The following SAMSN1 variants were observed in gnomAD, a reference collection of about 807,000 sequenced individuals.
SAMSN1 encodes SAM domain-containing protein SAMSN-1.
SAMSN1 carries 31 observed loss-of-function variants against 42.0 expected under a neutral mutation model. The observed-to-expected ratio is 0.74, with a 90% CI of 0.55 to 1.00. The LOEUF (loss-of-function observed/expected upper bound fraction) is 1.00, where lower values mean the gene tolerates loss of function less well. SAMSN1 is among the 50% of genes least tolerant of loss of function. The probability of loss-of-function intolerance (pLI) is 0.00; values close to 1 mark genes in which losing one functional copy is unlikely to be tolerated. For missense variants in SAMSN1, 464 were observed against 439.4 expected (o/e 1.06, Z -0.50); for synonymous variants, 178 against 151.9 (o/e 1.17, Z -1.26).
intron 6 of SAMSN1, among the ~76,000 whole-genome samples, chr21:14,595,406 C>A (rs1285368254): frequency 6.6e-6 from 1 of 152,072 alleles, no homozygotes; most frequent in Admixed American, 6.6e-5. Context: ...GCCTCTAGAG[C>A]TGTGGGAAAT....
In SAMSN1 at chr21:14,574,914, C is replaced by T. The variant is rs527897418; in HGVS notation, c.261+7222G>A. Among the ~76,000 whole-genome samples the T allele has an allele frequency of 3.3e-5, 5 of 152,102 alleles. No homozygotes were observed. In the South Asian group the frequency reaches 6.2e-4, roughly 19 times the overall value. On this transcript the variant is annotated intron_variant, in intron 2 of 8. Coordinates refer to the SAMSN1 transcript ENST00000285670. ...ATAAAAAATGTGTTTGCATGTCTGG[C>T]GAGACCTTTTTTCAGGCTTATTTTA... is the stretch of plus-strand genomic sequence containing the variant.
intron 2 of SAMSN1, among the ~76,000 whole-genome samples, chr21:14,562,496 A>G (rs1980977731): frequency 6.6e-6 from 1 of 151,156 alleles, no homozygotes; most frequent in Non-Finnish European, 1.5e-5. Flanking sequence ...GGAATGTCAT[A>G]GTGAAAAATG....
chr21:14,521,684 A>G (rs987488463), intron 1 of SAMSN1, among the ~76,000 whole-genome samples: 11 of 152,056 alleles, frequency 7.2e-5, no homozygotes, highest in African/African-American at 7.2e-5. Context: ...ACAAAGATCA[A>G]GTTTGTTCAC....
chr21:14,614,926 A>C (rs1415021849), intron 3 of SAMSN1, among the ~76,000 whole-genome samples: 2 of 152,126 alleles, frequency 1.3e-5, no homozygotes, highest in Non-Finnish European at 2.9e-5. Flanking sequence ...AAAATTGTAA[A>C]TTGGTCATCA....
At chr21:14,654,057 T>C (rs572299245) in intron 1 of SAMSN1, among the ~76,000 whole-genome samples, 1 of 152,160 alleles carries the variant, frequency 6.6e-6, no homozygotes, top group Admixed American at 6.6e-5. Flanking sequence ...AATCATTGTG[T>C]AATGTATTAT....
intron 7 of SAMSN1, chr21:14,591,967 A>C (rs1286701531): frequency 6.6e-6 from 1 of 152,140 alleles, no homozygotes; most frequent in Non-Finnish European, 1.5e-5. Flanking sequence ...CCATTTCTCC[A>C]CTTCTGCAGG....
intron 1 of SAMSN1, among the ~76,000 whole-genome samples, chr21:14,535,527 T>G (rs1169144403): frequency 6.6e-6 from 1 of 152,166 alleles, no homozygotes; most frequent in African/African-American, 2.4e-5. Context: ...ATGAGCTGAA[T>G]TGACTCCCAC....
intron 7 of SAMSN1, among the ~76,000 whole-genome samples, chr21:14,590,203 T>C (rs1010443776): frequency 2.6e-5 from 4 of 152,152 alleles, no homozygotes; most frequent in Admixed American, 6.6e-5. Flanking sequence ...CTTTATATAT[T>C]CTACTCTTCT....
chr21:14,559,311 G>T (rs140603571), intron 2 of SAMSN1, among the ~76,000 whole-genome samples: 81 of 152,270 alleles, frequency 5.3e-4, no homozygotes, highest in African/African-American at 1.8e-3. Context: ...CAACCAGTAG[G>T]TGAGCAGAAT....
At chr21:14,654,659 A>T (rs1313980607) in intron 1 of SAMSN1, among the ~76,000 whole-genome samples, 1 of 152,018 alleles carries the variant, frequency 6.6e-6, no homozygotes, top group Non-Finnish European at 1.5e-5. Flanking sequence ...GCAAAATTTA[A>T]CAACACGGCC....
rs762508858 is a variant in SAMSN1, at chr21:14,609,529, C to T, written c.275G>A (p.Ser92Asn). The stretch of plus-strand genomic sequence containing the variant: ...GATGTGGGAATCATTCTTATGCTTG[C>T]TGTGTTCCTGCCAGATTTTGTCATT... Residue 92 changes from serine to asparagine, a missense_variant, in exon 5 of 16, where the codon AGC becomes AAC. Physicochemically the swap from Ser to Asn is conservative, Grantham distance 46. Transcript: ENST00000647101. 7 of 718,074 alleles carry T rather than the reference C, an allele frequency of 9.7e-6. No homozygotes were observed. In the South Asian group the frequency reaches 1.0e-4, roughly 11 times the overall value. The allele number at this position is 718,074 out of a possible 1,614,324, so 44.5% of individuals were successfully genotyped here.
chr21:14,552,861 A>G (rs997600350), intron 2 of SAMSN1, among the ~76,000 whole-genome samples: 3 of 152,092 alleles, frequency 2.0e-5, no homozygotes, highest in Non-Finnish European at 4.4e-5. Flanking sequence ...TATCAAATCC[A>G]AATTGTGATT....
chr21:14,610,040 G>A (rs914692108), intron 4 of SAMSN1, among the ~76,000 whole-genome samples: 3 of 152,154 alleles, frequency 2.0e-5, no homozygotes, highest in East Asian at 1.9e-4. Flanking sequence ...TAGAGCATGT[G>A]TGTTTGAACA....
At chr21:14,514,938 A>G (rs1987838056) in intron 3 of SAMSN1, among the ~76,000 whole-genome samples, 1 of 152,192 alleles carries the variant, frequency 6.6e-6, no homozygotes, top group South Asian at 2.1e-4. Flanking sequence ...GAGCTGACTT[A>G]AGGGGAGAAT....
chr21:14,641,950 ATGT>A (rs767554969), intron 2 of SAMSN1, among the ~76,000 whole-genome samples: 10 of 152,198 alleles, frequency 6.6e-5, no homozygotes, highest in Non-Finnish European at 1.5e-4. Flanking sequence ...ATCGATACAC[ATGT>A]TGTATGTTAT....
At chr21:14,565,524 G>A (rs142537209) in intron 2 of SAMSN1, among the ~76,000 whole-genome samples, 1,546 of 152,200 alleles carry the variant, frequency 0.01, 29 homozygotes, top group African/African-American at 0.035. Context: ...GCAGCTTTCT[G>A]AAATATGTAT....
intron 5 of SAMSN1, among the ~76,000 whole-genome samples, chr21:14,608,630 C>A (rs1393767891): frequency 1.3e-5 from 2 of 152,064 alleles, no homozygotes; most frequent in Non-Finnish European, 2.9e-5. Flanking sequence ...CACCCCTTTC[C>A]CAATCCCAGG....
At chr21:14,520,762 C>T (rs992386373) in intron 2 of SAMSN1, among the ~76,000 whole-genome samples, 5 of 152,132 alleles carry the variant, frequency 3.3e-5, no homozygotes, top group African/African-American at 1.2e-4. Flanking sequence ...ATGGGAAGGT[C>T]GTGTGGTTTG....
chr21:14,488,874 G>A (rs1986555754), intron 7 of SAMSN1, among the ~76,000 whole-genome samples: 1 of 152,170 alleles, frequency 6.6e-6, no homozygotes, highest in Non-Finnish European at 1.5e-5. Context: ...TCAGGCAGGT[G>A]ATCAGCTGGA....
Sources: allele counts gnomAD v4.1 joint callset (sites outside exome capture counted in the v4.1 genomes callset), GRCh38; gene constraint gnomAD v4.1.1; transcripts MANE v1.5; gene names NCBI Gene and HGNC (gene_info 2026-07-23, HGNC 2026-07-21).